Variants in SCUBE1 observed in about 807,000 individuals in gnomAD.
SCUBE1 encodes signal peptide, CUB domain and EGF like domain containing 1.
A neutral mutation model predicts 124.4 loss-of-function variants in SCUBE1; 59 were observed. That is an observed-to-expected ratio of 0.47 (90% CI 0.38 to 0.59). SCUBE1 has a LOEUF of 0.59. SCUBE1 is among the 20% of genes least tolerant of loss of function. The probability of loss-of-function intolerance (pLI) is 0.00; values close to 1 mark genes in which losing one functional copy is unlikely to be tolerated. For missense variants in SCUBE1, 1,150 were observed against 1,371.2 expected (o/e 0.84, Z 2.55); for synonymous variants, 545 against 550.9 (o/e 0.99, Z 0.15).
At chr22:43,286,370 C>T (rs911798286) in intron 4 of SCUBE1, among the ~76,000 whole-genome samples, 2 of 152,220 alleles carry the variant, frequency 1.3e-5, no homozygotes, top group South Asian at 2.1e-4. Flanking sequence ...GGAGACAATG[C>T]GACGTTTCCT....
intron 6 of SCUBE1, among the ~76,000 whole-genome samples, chr22:43,242,824 T>C (rs1923060219): frequency 6.6e-6 from 1 of 152,114 alleles, no homozygotes; most frequent in African/African-American, 2.4e-5. Context: ...CATGGAACAA[T>C]ACAGCCCTTT....
intron 6 of SCUBE1, among the ~76,000 whole-genome samples, chr22:43,242,781 G>C (rs367894467): frequency 1.3e-5 from 2 of 152,306 alleles, no homozygotes; most frequent in South Asian, 4.1e-4. Context: ...CAGAGCTCTT[G>C]TCTAGAGGCT....
chr22:43,246,644 T>C (rs1397295965), intron 6 of SCUBE1, among the ~76,000 whole-genome samples: 2 of 152,240 alleles, frequency 1.3e-5, no homozygotes, highest in Admixed American at 6.5e-5. Flanking sequence ...CCTTGCAGGT[T>C]GCCGGGAACA....
intron 4 of SCUBE1, among the ~76,000 whole-genome samples, chr22:43,265,050 G>C (rs1258063102): frequency 5.9e-5 from 9 of 152,240 alleles, no homozygotes; most frequent in African/African-American, 2.2e-4. Context: ...AGATGATGAA[G>C]AAAGGGAGAT....
intron 1 of SCUBE1, among the ~76,000 whole-genome samples, chr22:43,340,186 C>G (rs1397970211): frequency 2.6e-5 from 4 of 151,936 alleles, no homozygotes; most frequent in African/African-American, 9.7e-5. Context: ...CGCCCCCACA[C>G]CAAAGTGTCT....
intron 1 of SCUBE1, among the ~76,000 whole-genome samples, chr22:43,340,462 C>T (rs576124644): frequency 1.3e-4 from 19 of 148,966 alleles, no homozygotes; most frequent in African/African-American, 4.7e-4. Context: ...ACACCCCAAG[C>T]CTCTCTCCTT....
At chr22:43,326,613 A>G (rs889393960) in intron 2 of SCUBE1, among the ~76,000 whole-genome samples, 3 of 152,140 alleles carry the variant, frequency 2.0e-5, no homozygotes, top group Non-Finnish European at 4.4e-5. Context: ...ATTACAGGAA[A>G]GGTCAAAGGG....
At chr22:43,231,490 G>A (rs924050186) in intron 8 of SCUBE1, among the ~76,000 whole-genome samples, 1 of 152,234 alleles carries the variant, frequency 6.6e-6, no homozygotes, top group Non-Finnish European at 1.5e-5. Flanking sequence ...TGGGAAGGGA[G>A]GGGCTGGGTG....
intron 10 of SCUBE1, among the ~76,000 whole-genome samples, chr22:43,223,969 G>A (rs985115833): frequency 1.3e-5 from 2 of 152,180 alleles, no homozygotes; most frequent in African/African-American, 4.8e-5. Context: ...CAACCTGCCT[G>A]GAATAAGCTT....
chr22:43,251,824 G>A (rs573259169), intron 6 of SCUBE1, among the ~76,000 whole-genome samples: 2 of 152,322 alleles, frequency 1.3e-5, no homozygotes, highest in East Asian at 1.9e-4. Context: ...GCAGCAAGAG[G>A]AGCGGAATGC....
intron 2 of SCUBE1, among the ~76,000 whole-genome samples, chr22:43,332,573 C>G (rs920885365): frequency 1.3e-5 from 2 of 152,182 alleles, no homozygotes; most frequent in Non-Finnish European, 2.9e-5. Flanking sequence ...GGGGACGAAA[C>G]CCAGGCCCTG....
At chr22:43,269,778 C>T (rs993295927) in intron 4 of SCUBE1, among the ~76,000 whole-genome samples, 4 of 152,110 alleles carry the variant, frequency 2.6e-5, no homozygotes, top group Admixed American at 6.5e-5. Flanking sequence ...GCTGTCCAAG[C>T]CATGCAGGGA....
At chr22:43,290,500 C>T (rs1925317488) in intron 4 of SCUBE1, among the ~76,000 whole-genome samples, 1 of 152,278 alleles carries the variant, frequency 6.6e-6, no homozygotes, top group South Asian at 2.1e-4. Context: ...CCACCTAGTG[C>T]TCCAGCTGGT....
chr22:43,305,924 A>G (rs914962257), intron 3 of SCUBE1, among the ~76,000 whole-genome samples: 1 of 152,222 alleles, frequency 6.6e-6, no homozygotes, highest in Non-Finnish European at 1.5e-5. Context: ...CTCTGCCAGC[A>G]GTCTATTTCT....
At chr22:43,267,353 G>C (rs1924111994) in intron 4 of SCUBE1, among the ~76,000 whole-genome samples, 1 of 152,174 alleles carries the variant, frequency 6.6e-6, no homozygotes, top group Non-Finnish European at 1.5e-5. Context: ...GAAGGAAGAA[G>C]AGAGAAAGAA....
chr22:43,342,920 G>T (rs1012607765), intron 1 of SCUBE1, among the ~76,000 whole-genome samples: 1 of 151,512 alleles, frequency 6.6e-6, no homozygotes, highest in Admixed American at 6.6e-5. Context: ...TCGCTCCCGC[G>T]CTCGCGCTTC....
intron 3 of SCUBE1, among the ~76,000 whole-genome samples, chr22:43,304,748 C>T (rs1326433340): frequency 7.2e-5 from 11 of 152,144 alleles, no homozygotes; most frequent in Admixed American, 6.5e-5. Context: ...CCAGGCTCTG[C>T]ACATGCTGCT....
At chr22:43,295,782 C>T (rs1925533916) in intron 3 of SCUBE1, among the ~76,000 whole-genome samples, 1 of 152,238 alleles carries the variant, frequency 6.6e-6, no homozygotes, top group Admixed American at 6.5e-5. Flanking sequence ...ACTCCGTGAA[C>T]ACCAAGCACC....
At position 43,281,515 on chromosome 22, in the gene SCUBE1, GC is replaced by G. The variant is rs1473683029; in HGVS notation, c.484+9530del. Among the ~76,000 whole-genome samples, 5 of 69,666 alleles carry G rather than the reference GC, an allele frequency of 7.2e-5. 1 individual carries two copies. The highest frequency in any genetic ancestry group is 3.0e-4 in the African/African-American group (5 of 16,492). 45.7% of individuals were successfully genotyped at this position (69,666 alleles called of 152,430 possible). A position where few individuals can be genotyped will look rare whatever the true frequency, so the allele number is the denominator to read the frequency against. On this transcript the variant is annotated intron_variant, in intron 4 of 21. Coordinates refer to ENST00000360835, the MANE Select transcript of SCUBE1 (RefSeq NM_173050.5). The stretch of plus-strand genomic sequence containing the variant: ...CCACCCTCCTGTCACCTCCTCCTCA[GC>G]CACCCTCCTGTCACCTCCCTCAGTC...
Sources: gnomAD v4.1 joint callset for allele counts (sites outside exome capture counted in the v4.1 genomes callset) on GRCh38, gnomAD v4.1.1 for gene constraint, MANE v1.5 for transcripts, NCBI Gene and HGNC (gene_info 2026-07-23, HGNC 2026-07-21) for gene names.